Variants in CHD8 observed in about 807,000 individuals in gnomAD.
CHD8 encodes ATP-dependent chromatin remodeler CHD8.
A neutral mutation model predicts 279.2 loss-of-function variants in CHD8; 31 were observed. That is an observed-to-expected ratio of 0.11 (90% CI 0.08 to 0.15). The LOEUF is 0.15. Ranked by LOEUF, CHD8 falls within the 10% of genes least tolerant of loss-of-function variation. CHD8 has a pLI of 1.00. For synonymous variants in CHD8, 1,081 were observed against 1,139.6 expected (o/e 0.95, Z 1.04); for missense variants, 2,146 against 3,230.5 (o/e 0.66, Z 8.14).
intron 34 of CHD8, 176 bp downstream of exon 34, chr14:21,392,331 T>C: frequency 1.3e-6 from 1 of 756,690 alleles, no homozygotes; most frequent in East Asian, 2.5e-5. Context: ...TCAATAGGGT[T>C]CAATAAGGAA....
At chr14:21,437,812 C>T (rs2139556960) in intron 1 of CHD8, among the ~76,000 whole-genome samples, 1 of 152,332 alleles carries the variant, frequency 6.6e-6, no homozygotes, top group Non-Finnish European at 1.5e-5. Context: ...TGTGACCCTT[C>T]AATACCAATA....
chr14:21,440,185 T>A (rs924630115), intron 1 of CHD8, among the ~76,000 whole-genome samples: 3 of 152,108 alleles, frequency 2.0e-5, no homozygotes, highest in Non-Finnish European at 2.9e-5. Context: ...AAAACATCAA[T>A]AAAGTAGTTT....
At chr14:21,421,730 C>T (rs1246740088) in intron 5 of CHD8, among the ~76,000 whole-genome samples, 1 of 152,150 alleles carries the variant, frequency 6.6e-6, no homozygotes, top group Non-Finnish European at 1.5e-5. Context: ...CATCCCCCCA[C>T]CAAATCCATA....
Position 21,428,892 on chromosome 14 carries a change from G to C in CHD8, c.1215+72C>G, listed in dbSNP as rs897266728. ...ATGGCCCCACATTCAAGAATAAGTG[G>C]TTGCTGAGGGCAACAGCAATGGACT... On this transcript the variant is annotated intron_variant, in intron 3 of 37. Coordinates refer to ENST00000646647, the MANE Select transcript of CHD8 (RefSeq NM_001170629.2). 1.1e-5 allele frequency: 15 copies of C among 1,414,530 alleles called. No homozygotes were observed. In the African/African-American group the frequency reaches 2.1e-4, roughly 20 times the overall value. 87.6% of individuals were successfully genotyped at this position (1,414,530 alleles called of 1,614,324 possible). A position where few individuals can be genotyped will look rare whatever the true frequency, so the allele number is the denominator to read the frequency against.
rs1555318013 is a variant in CHD8, at chr14:21,427,930, C to A, written c.1540G>T (p.Glu514Ter). ...GATGTTTTACTCTTCTTTGGCTTCT[C>A]CTCTTTCAGCCTCTCCCCAGCACTC... Reference protein sequence around the residue: ...KKSAGERLKEEKPKKSKTSGA... With the variant: ...KKSAGERLKE Residue 514 changes from glutamate (E) to a stop codon, truncating the protein, a stop_gained, in exon 4 of 38, where the codon GAG becomes TAG. Coordinates refer to ENST00000646647, the MANE Select transcript of CHD8 (RefSeq NM_001170629.2). LOFTEE classifies it high-confidence loss of function. 6.2e-7 allele frequency: 1 copy of A among 1,614,052 alleles called. No homozygotes were observed. Among genetic ancestry groups the A allele is most frequent in the Non-Finnish European group, 8.5e-7 (1 of 1,179,904 alleles).
intron 37 of CHD8, among the ~76,000 whole-genome samples, chr14:21,388,625 GAT>G: frequency 6.6e-6 from 1 of 152,106 alleles, no homozygotes. Flanking sequence ...CCACATAGCT[GAT>G]ACTAGAGGAC....
intron 5 of CHD8, among the ~76,000 whole-genome samples, chr14:21,418,938 G>C (rs938112808): frequency 6.6e-6 from 1 of 152,252 alleles, no homozygotes; most frequent in Non-Finnish European, 1.5e-5. Flanking sequence ...GACTACAAGG[G>C]AGTACAGGGG....
At chr14:21,417,866 ATAT>A (rs1394514685) in intron 5 of CHD8, among the ~76,000 whole-genome samples, 11 of 120,312 alleles carry the variant, frequency 9.1e-5, no homozygotes, top group Non-Finnish European at 1.4e-4. Flanking sequence ...AAAAAAAAAA[ATAT>A]ATATATATAT....
At chr14:21,387,565 C>T (rs1182525369) in intron 37 of CHD8, among the ~76,000 whole-genome samples, 3 of 146,334 alleles carry the variant, frequency 2.1e-5, no homozygotes. Flanking sequence ...ACCCAGGAGG[C>T]GGAGATCGCG....
Position 21,391,854 on chromosome 14 carries a change from C to G in CHD8, c.6864G>C (p.Gly2288=). The G allele has an allele frequency of 6.2e-7, 1 of 1,612,530 alleles. No individual in the cohort carries two copies. The highest frequency in any genetic ancestry group is 8.5e-7 in the Non-Finnish European group (1 of 1,178,592). Residue 2288 remains glycine (G), a synonymous_variant, in exon 35 of 38, where the codon GGG becomes GGC. Transcript: ENST00000646647. ...DGHPLFHKKK[G]NRKKLVELEV... ...TCACCTCTACTAGCTTCTTTCTGTTCCCCTTCTTCTTATGAAACAGTGGAT... is the reference window on the plus strand; with the variant it reads ...TCACCTCTACTAGCTTCTTTCTGTTGCCCTTCTTCTTATGAAACAGTGGAT...
intron 1 of CHD8, among the ~76,000 whole-genome samples, chr14:21,432,772 G>A (rs1411981774): frequency 6.6e-6 from 1 of 152,122 alleles, no homozygotes; most frequent in Non-Finnish European, 1.5e-5. Flanking sequence ...TAACAACTGA[G>A]CAACTTGTGA....
rs762678508 is a variant in CHD8, at chr14:21,392,738, A to C, written c.6540T>G (p.Arg2180=). ...AVLSGKWPSS[R]RSQEMVTGGI... Reference sequence around the variant, plus strand: ...CTCCTGTTACCATTTCCTGGCTCCTACGGCTAGAAGGCCACTTCCCTGAGA... The same window carrying C: ...CTCCTGTTACCATTTCCTGGCTCCTCCGGCTAGAAGGCCACTTCCCTGAGA... Residue 2180 remains arginine, a synonymous_variant, in exon 34 of 38, where the codon CGT becomes CGG. Coordinates refer to ENST00000646647, the MANE Select transcript of CHD8 (RefSeq NM_001170629.2). The C allele has an allele frequency of 6.2e-6, 10 of 1,613,824 alleles. No homozygotes were observed. The East Asian group carries it at 2.2e-4, about 36-fold the overall frequency.
At chr14:21,447,373 CTT>C (rs773145515) in intron 1 of CHD8, among the ~76,000 whole-genome samples, 80 of 141,102 alleles carry the variant, frequency 5.7e-4, no homozygotes, top group Non-Finnish European at 5.9e-4. Context: ...CACTATATCC[CTT>C]TTTTTTTTTT....
chr14:21,386,573 C>T (rs759789830), intron 37 of CHD8, among the ~76,000 whole-genome samples: 1 of 152,188 alleles, frequency 6.6e-6, no homozygotes, highest in Non-Finnish European at 1.5e-5. Context: ...CGCGGTGGCT[C>T]ACGCCTGTAA....
chr14:21,385,583 CGCCCAAGCAATGGGGCCCAT>C lies in CHD8; in HGVS notation c.*10_*29del. ...CCAGAGTAAATGAAAATACAGCAGC[CGCCCAAGCAATGGGGCCCAT>C]GCTGGGGCTTCAGTCATCAGCATCT... On this transcript the variant is annotated 3_prime_UTR_variant, in exon 38 of 38. Transcript: ENST00000646647. 6.5e-7 allele frequency: 1 copy of C among 1,534,800 alleles called. No homozygotes were observed. Among genetic ancestry groups the C allele is most frequent in the East Asian group, 2.5e-5 (1 of 40,808 alleles).
chr14:21,385,503 G>T lies in CHD8; in HGVS notation c.*110C>A. 7.1e-7 allele frequency: 1 copy of T among 1,406,158 alleles called. No individual in the cohort carries two copies. The highest frequency in any genetic ancestry group is 9.3e-7 in the Non-Finnish European group (1 of 1,078,060). 87.1% of individuals were successfully genotyped at this position (1,406,158 alleles called of 1,614,324 possible). On this transcript the variant is annotated 3_prime_UTR_variant, in exon 38 of 38. Transcript: ENST00000646647. The stretch of plus-strand genomic sequence containing the variant: ...TTTTTTTTCCTTTTCACCTCCTGGA[G>T]TCCTGGACTTCCCCACATCTCCCCT...
intron 14 of CHD8, among the ~76,000 whole-genome samples, chr14:21,406,152 G>A (rs1263815224): frequency 6.6e-6 from 1 of 151,286 alleles, no homozygotes; most frequent in South Asian, 2.1e-4. Context: ...AATTACACAT[G>A]TCTCTCCATA....
At chr14:21,417,100 T>G (rs1053856499) in intron 5 of CHD8, among the ~76,000 whole-genome samples, 4 of 152,200 alleles carry the variant, frequency 2.6e-5, no homozygotes, top group Non-Finnish European at 4.4e-5. Flanking sequence ...TAATTTTATA[T>G]TTAAAAATGT....
chr14:21,426,200 G>T lies in CHD8; in HGVS notation c.1644C>A (p.Thr548=). 1 of 1,611,626 alleles carries T rather than the reference G, an allele frequency of 6.2e-7. No homozygotes were observed. The highest frequency in any genetic ancestry group is 8.5e-7 in the Non-Finnish European group (1 of 1,178,216). Residue 548 remains threonine (T), a synonymous_variant, in exon 5 of 38, where the codon ACC becomes ACA. Coordinates refer to ENST00000646647, the MANE Select transcript of CHD8 (RefSeq NM_001170629.2). The stretch of plus-strand genomic sequence containing the variant: ...CTTCCACATCTGAATTATCAGATGA[G>T]GTATTACGTTTTCTCTTCTTACCCA... The part of the protein sequence containing the change: ...PVVGKKRKRN[T]SSDNSDVEVM...
Sources: allele counts gnomAD v4.1 joint callset (sites outside exome capture counted in the v4.1 genomes callset), GRCh38; gene constraint gnomAD v4.1.1; transcripts MANE v1.5; gene names NCBI Gene and HGNC (gene_info 2026-07-23, HGNC 2026-07-21).